DCUN1D4: variants seen among roughly 807,000 people sequenced by gnomAD.
DCUN1D4 encodes the protein DCN1-like protein 4.
Under a neutral mutation model 47.9 loss-of-function variants are expected in DCUN1D4, and 22 were observed. The observed-to-expected ratio is 0.46, with a 90% CI of 0.33 to 0.66. The LOEUF (loss-of-function observed/expected upper bound fraction) is 0.66, where lower values mean the gene tolerates loss of function less well. Among genes scored for constraint, DCUN1D4 ranks in the 30% least tolerant of loss-of-function variants. DCUN1D4 has a pLI of 0.02. For missense variants in DCUN1D4, 301 were observed against 340.8 expected (o/e 0.88, Z 0.92); for synonymous variants, 121 against 112.2 (o/e 1.08, Z -0.50).
chr4:51,899,841 A>C (rs538943889), intron 8 of DCUN1D4, among the ~76,000 whole-genome samples: 1 of 152,368 alleles, frequency 6.6e-6, no homozygotes, highest in African/African-American at 2.4e-5. Flanking sequence ...GTAATACATT[A>C]CTTAAATGTA....
At chr4:51,860,524 T>G (rs1182518269) in intron 1 of DCUN1D4, 1 of 451,746 alleles carries the variant, frequency 2.2e-6, no homozygotes, top group Admixed American at 2.4e-5. Flanking sequence ...AGAGGTTTAA[T>G]TGACTCACGG....
chr4:51,896,428 G>A (rs1205548540), intron 7 of DCUN1D4, among the ~76,000 whole-genome samples: 10 of 152,034 alleles, frequency 6.6e-5, no homozygotes, highest in Admixed American at 4.6e-4. Context: ...CTTCTTCTTC[G>A]TAGACAGGAC....
At chr4:51,862,824 CAT>C (rs1364871629) in intron 1 of DCUN1D4, among the ~76,000 whole-genome samples, 2 of 151,108 alleles carry the variant, frequency 1.3e-5, no homozygotes, top group South Asian at 2.1e-4. Flanking sequence ...GCCTGGGAAA[CAT>C]AGAAAGACCC....
chr4:51,842,958 G>C, upstream of DCUN1D4: 1 of 940,734 alleles, frequency 1.1e-6, no homozygotes, highest in Admixed American at 4.3e-5. Context: ...CCTCCGCCAG[G>C]GGCGTTACGG....
At chr4:51,839,031 C>T (rs1460527607), upstream of DCUN1D4, among the ~76,000 whole-genome samples, 2 of 151,966 alleles carry the variant, frequency 1.3e-5, no homozygotes, top group Non-Finnish European at 2.9e-5. Flanking sequence ...ATGGAGATCC[C>T]ACCACTGCAC....
rs143567832 is a variant in DCUN1D4 at position 51,890,321 on chromosome 4, T to A, written c.415-1439T>A. Among the ~76,000 whole-genome samples the A allele has an allele frequency of 2.8e-3, 430 of 152,320 alleles. 3 individuals carry two copies. The highest frequency in any genetic ancestry group is 9.7e-3 in the African/African-American group (402 of 41,566). ...TCACCATAGCCGCCATCTGACCCAG[T>A]TGGGCACAGGGATGGTGTTTTAATG... is the stretch of plus-strand genomic sequence containing the variant. On this transcript the variant is annotated intron_variant, in intron 6 of 10. Coordinates refer to ENST00000334635, the MANE Select transcript of DCUN1D4 (RefSeq NM_001040402.3).
intron 5 of DCUN1D4, among the ~76,000 whole-genome samples, chr4:51,881,452 C>T (rs1728606135): frequency 6.6e-6 from 1 of 152,062 alleles, no homozygotes; most frequent in Non-Finnish European, 1.5e-5. Flanking sequence ...ATGTGGGCCC[C>T]ATTTGCCTCT....
intron 1 of DCUN1D4, among the ~76,000 whole-genome samples, chr4:51,849,684 C>T (rs1723072952): frequency 6.6e-6 from 1 of 152,142 alleles, no homozygotes; most frequent in Admixed American, 6.5e-5. Flanking sequence ...CACACTAGCC[C>T]AGCCCACTGG....
At chr4:51,909,939 A>G (rs2110137027) in intron 8 of DCUN1D4, among the ~76,000 whole-genome samples, 1 of 152,284 alleles carries the variant, frequency 6.6e-6, no homozygotes, top group African/African-American at 2.4e-5. Flanking sequence ...TCATGGCTAG[A>G]AATGGTTTGT....
intron 1 of DCUN1D4, chr4:51,844,402 C>G (rs972005001): frequency 5.8e-5 from 57 of 983,732 alleles, no homozygotes; most frequent in Non-Finnish European, 6.5e-5. Flanking sequence ...GAAGCGAGGT[C>G]AGCGCTGGCG....
intron 8 of DCUN1D4, chr4:51,909,123 CT>C (rs1414041223): frequency 2.0e-5 from 8 of 391,206 alleles, no homozygotes; most frequent in African/African-American, 1.7e-4. Context: ...CTGTCCAGGT[CT>C]TTTGTATCTT....
chr4:51,860,204 CTTTTTCT>C (rs1724830607), intron 1 of DCUN1D4, among the ~76,000 whole-genome samples: 1 of 151,870 alleles, frequency 6.6e-6, no homozygotes, highest in African/African-American at 2.4e-5. Flanking sequence ...TCATTTCTTC[CTTTTTCT>C]TTTTTCTTTT....
chr4:51,883,332 A>T (rs1363705264), intron 5 of DCUN1D4, among the ~76,000 whole-genome samples: 1 of 152,180 alleles, frequency 6.6e-6, no homozygotes, highest in Non-Finnish European at 1.5e-5. Flanking sequence ...GGAGAAGGCA[A>T]GTTTCTTTTT....
chr4:51,840,630 T>C (rs1356174795), upstream of DCUN1D4, among the ~76,000 whole-genome samples: 2 of 152,198 alleles, frequency 1.3e-5, no homozygotes, highest in Non-Finnish European at 2.9e-5. Context: ...TAAACATTCA[T>C]TTTAAGGGGT....
intron 7 of DCUN1D4, among the ~76,000 whole-genome samples, chr4:51,897,029 C>T (rs1172257328): frequency 6.6e-6 from 1 of 152,198 alleles, no homozygotes; most frequent in Admixed American, 6.5e-5. Context: ...CTCCCATCTG[C>T]TTCTGGGCCT....
intron 1 of DCUN1D4, among the ~76,000 whole-genome samples, chr4:51,856,362 A>G (rs1418781057): frequency 6.6e-6 from 1 of 152,214 alleles, no homozygotes; most frequent in Non-Finnish European, 1.5e-5. Flanking sequence ...AATTGTGCTT[A>G]AAAATAGAAA....
chr4:51,865,566 A>G (rs555006791), intron 3 of DCUN1D4: 1 of 152,634 alleles, frequency 6.6e-6, no homozygotes, highest in African/African-American at 2.4e-5. Context: ...GAAGGAGGGA[A>G]TGAGAGGGTG....
chr4:51,843,173 T>C lies in DCUN1D4; in HGVS notation c.-70T>C. On this transcript the variant is annotated 5_prime_UTR_variant, in exon 1 of 11. Coordinates refer to ENST00000334635, the MANE Select transcript of DCUN1D4 (RefSeq NM_001040402.3). ...TCCTCAGCTTCGAGCCGAGGTGCAG[T>C]GAGCTGGTGGGGGGACCGCGAGGCG... The C allele has an allele frequency of 2.0e-6, 3 of 1,529,788 alleles. No homozygotes were observed. The highest frequency in any genetic ancestry group is 2.5e-5 in the East Asian group (1 of 39,300). The allele number at this position is 1,529,788 out of a possible 1,614,324, so 94.8% of individuals were successfully genotyped here.
At chr4:51,870,504 CT>C (rs78387274) in intron 3 of DCUN1D4, among the ~76,000 whole-genome samples, 295 of 141,860 alleles carry the variant, frequency 2.1e-3, no homozygotes, top group South Asian at 2.7e-3. Context: ...TGGAAATGTA[CT>C]TTTTTTTTTT....
Sources: allele counts gnomAD v4.1 joint callset (sites outside exome capture counted in the v4.1 genomes callset), GRCh38; gene constraint gnomAD v4.1.1; transcripts MANE v1.5; gene names NCBI Gene and HGNC (gene_info 2026-07-23, HGNC 2026-07-21).